ERG: variants seen among roughly 807,000 people sequenced by gnomAD.
ERG encodes transcriptional regulator ERG.
ERG carries 9 observed loss-of-function variants against 55.3 expected under a neutral mutation model. That is an observed-to-expected ratio of 0.16 (90% CI 0.10 to 0.28). ERG has a LOEUF of 0.28. Ranked by LOEUF, ERG falls within the 10% of genes least tolerant of loss-of-function variation. ERG has a pLI of 1.00. For missense variants in ERG, 434 were observed against 631.6 expected (o/e 0.69, Z 3.35); for synonymous variants, 223 against 237.3 (o/e 0.94, Z 0.55).
At chr21:38,527,402 C>T (rs573252948) in intron 2 of ERG, among the ~76,000 whole-genome samples, 34 of 152,192 alleles carry the variant, frequency 2.2e-4, no homozygotes, top group Non-Finnish European at 4.0e-4. Flanking sequence ...TTTTAAAACC[C>T]TGTGGTTGGT....
chr21:38,596,044 T>C (rs1169983922), intron 1 of ERG, among the ~76,000 whole-genome samples: 2 of 96,130 alleles, frequency 2.1e-5, no homozygotes. Flanking sequence ...TATATAAAAA[T>C]TGGTGTGGGA....
chr21:38,618,902 C>T (rs1325303414), intron 1 of ERG, among the ~76,000 whole-genome samples: 2 of 152,216 alleles, frequency 1.3e-5, no homozygotes, highest in African/African-American at 2.4e-5. Context: ...GAAAACTAAG[C>T]GTTAAAGGGC....
At chr21:38,579,170 C>A (rs1041415216) in intron 1 of ERG, among the ~76,000 whole-genome samples, 2 of 152,164 alleles carry the variant, frequency 1.3e-5, no homozygotes, top group African/African-American at 4.8e-5. Context: ...TTCCAAAAAT[C>A]AAAACATCCT....
intron 2 of ERG, among the ~76,000 whole-genome samples, chr21:38,436,828 G>C (rs2058794864): frequency 6.6e-6 from 1 of 151,644 alleles, no homozygotes; most frequent in Non-Finnish European, 1.5e-5. Flanking sequence ...TGTGTCTTAT[G>C]ATCTCACAGA....
At chr21:38,507,296 C>T (rs954109723) in intron 2 of ERG, among the ~76,000 whole-genome samples, 2 of 152,324 alleles carry the variant, frequency 1.3e-5, no homozygotes, top group African/African-American at 4.8e-5. Flanking sequence ...ATAACAGGGA[C>T]CTTGGCTTCA....
intron 1 of ERG, among the ~76,000 whole-genome samples, chr21:38,472,261 C>T (rs1480135902): frequency 6.6e-6 from 1 of 152,116 alleles, no homozygotes; most frequent in Non-Finnish European, 1.5e-5. Flanking sequence ...TGTATGCCAC[C>T]TTAAGTCACT....
chr21:38,466,705 A>G (rs2059093999), intron 1 of ERG, among the ~76,000 whole-genome samples: 1 of 152,310 alleles, frequency 6.6e-6, no homozygotes, highest in South Asian at 2.1e-4. Flanking sequence ...GTATGCACTG[A>G]TTTGCATGAA....
intron 3 of ERG, among the ~76,000 whole-genome samples, chr21:38,420,170 AATCTGCCTTAGTG>A (rs1373488008): frequency 2.0e-5 from 3 of 152,138 alleles, no homozygotes; most frequent in Non-Finnish European, 4.4e-5. Context: ...CCGTGCCCCA[AATCTGCCTTAGTG>A]AGGTGCCTGG....
intron 1 of ERG, among the ~76,000 whole-genome samples, chr21:38,652,292 G>C (rs538056396): frequency 6.6e-6 from 1 of 152,244 alleles, no homozygotes; most frequent in South Asian, 2.1e-4. Context: ...CAGCTCAAGG[G>C]CCTCAGCCTC....
chr21:38,611,272 T>A (rs2060225419), intron 1 of ERG, among the ~76,000 whole-genome samples: 1 of 152,116 alleles, frequency 6.6e-6, no homozygotes, highest in Non-Finnish European at 1.5e-5. Context: ...GAAACTACTG[T>A]CCACAAGGCA....
chr21:38,394,404 G>A (rs1988113814), intron 6 of ERG, among the ~76,000 whole-genome samples: 1 of 151,376 alleles, frequency 6.6e-6, no homozygotes, highest in South Asian at 2.1e-4. Context: ...CCAGGCTGGA[G>A]TGCAGTGGCG....
At chr21:38,370,819 T>C in the ERG span, among the ~76,000 whole-genome samples, 2 of 152,044 alleles carry the variant, frequency 1.3e-5, no homozygotes, top group Non-Finnish European at 2.9e-5. Flanking sequence ...TTACAATAAC[T>C]TTATAATAAG....
chr21:38,564,078 AAG>A (rs1413614309), intron 2 of ERG, among the ~76,000 whole-genome samples: 1 of 150,516 alleles, frequency 6.6e-6, no homozygotes, highest in Non-Finnish European at 1.5e-5. Context: ...AGAGGGGACT[AAG>A]AGAAAAAAAA....
chr21:38,535,636 G>C (rs2059704338), intron 2 of ERG, among the ~76,000 whole-genome samples: 1 of 152,068 alleles, frequency 6.6e-6, no homozygotes, highest in Admixed American at 6.6e-5. Flanking sequence ...AGACGAATTA[G>C]GGAAGTACCC....
intron 2 of ERG, among the ~76,000 whole-genome samples, chr21:38,513,292 G>T (rs977403948): frequency 9.2e-5 from 14 of 151,882 alleles, no homozygotes; most frequent in Non-Finnish European, 1.6e-4. Context: ...AGTGAAACTT[G>T]TTAAAAAAAA....
At chr21:38,554,366 C>G (rs972867300) in intron 2 of ERG, among the ~76,000 whole-genome samples, 1 of 152,192 alleles carries the variant, frequency 6.6e-6, no homozygotes, top group Admixed American at 6.5e-5. Flanking sequence ...ACTGTAAAGA[C>G]ACCTGCATTA....
intron 2 of ERG, among the ~76,000 whole-genome samples, chr21:38,557,973 T>C (rs375293007): frequency 2.6e-5 from 4 of 152,344 alleles, no homozygotes; most frequent in East Asian, 1.9e-4. Context: ...TTTATCATTT[T>C]ATATATCCTA....
intron 1 of ERG, among the ~76,000 whole-genome samples, chr21:38,487,746 G>A (rs1377224832): frequency 6.6e-6 from 1 of 152,172 alleles, no homozygotes; most frequent in Non-Finnish European, 1.5e-5. Flanking sequence ...ACTGTCTAGG[G>A]GCAACAGATA....
At chr21:38,590,508 T>C (rs924252518) in intron 1 of ERG, among the ~76,000 whole-genome samples, 2 of 152,264 alleles carry the variant, frequency 1.3e-5, no homozygotes, top group Non-Finnish European at 2.9e-5. Context: ...CTGATAATGT[T>C]GTCTTCTTCC....
Sources: allele counts gnomAD v4.1 joint callset (sites outside exome capture counted in the v4.1 genomes callset), GRCh38; gene constraint gnomAD v4.1.1; transcripts MANE v1.5; gene names NCBI Gene and HGNC (gene_info 2026-07-23, HGNC 2026-07-21).